CCDC40: variants seen among roughly 807,000 people sequenced by gnomAD.
CCDC40 encodes the protein coiled-coil domain 40 molecular ruler complex subunit, also known as coiled-coil domain-containing protein 40.
Under a neutral mutation model 124.5 loss-of-function variants are expected in CCDC40, and 104 were observed. The observed-to-expected ratio is 0.84, with a 90% CI of 0.71 to 0.98. The LOEUF (loss-of-function observed/expected upper bound fraction) is 0.98, where lower values mean the gene tolerates loss of function less well. Ranked by LOEUF, CCDC40 falls within the 50% of genes least tolerant of loss-of-function variation. CCDC40 has a pLI of 0.00. For synonymous variants in CCDC40, 580 were observed against 602.9 expected, an observed-to-expected ratio of 0.96 and a Z score of 0.56; for missense variants, 1,463 against 1,503.9, an observed-to-expected ratio of 0.97 and a Z score of 0.45.
intron 10 of CCDC40, 119 bp downstream of exon 10, chr17:80,065,725 T>C: frequency 1.5e-6 from 2 of 1,368,508 alleles, no homozygotes; most frequent in Non-Finnish European, 2.0e-6. Context: ...TGCACCTTGA[T>C]CCCCGGGTCC....
At chr17:80,085,666 CTTTTTTTTTTTTT>C (rs5822324) in intron 13 of CCDC40, among the ~76,000 whole-genome samples, 1 of 109,996 alleles carries the variant, frequency 9.1e-6, no homozygotes, top group East Asian at 2.5e-4. Flanking sequence ...GCTAATTTTG[CTTTTTTTTTTTTT>C]TTTTTTTTCT....
chr17:80,090,820 A>T, intron 17 of CCDC40: 7 of 1,207,928 alleles, frequency 5.8e-6, no homozygotes, highest in Non-Finnish European at 7.2e-6. Context: ...ATGCCATGCT[A>T]AATAGAAATT....
intron 9 of CCDC40, among the ~76,000 whole-genome samples, chr17:80,063,784 G>A (rs1212076717): frequency 6.6e-6 from 1 of 152,204 alleles, no homozygotes; most frequent in African/African-American, 2.4e-5. Flanking sequence ...ACAGGCATGA[G>A]CCGCCGCACC....
chr17:80,036,769 G>A (rs1198806261), intron 1 of CCDC40, 78 bp downstream of exon 1: 6 of 1,358,170 alleles, frequency 4.4e-6, no homozygotes, highest in South Asian at 1.4e-5. Context: ...TGGCCCCCGC[G>A]TCGGCTCCTG....
chr17:80,095,243 C>A lies in CCDC40; in HGVS notation c.2833-20C>A. On this transcript the variant is annotated intron_variant, in intron 17 of 19. Transcript: ENST00000397545. ...AGCTCAGGCCTGCCCCAGCCCCAGC[C>A]CCTCTGTCCTGTCTCCCAGGTCAGG... 1 of 1,612,718 alleles carries A rather than the reference C, an allele frequency of 6.2e-7. No individual in the cohort carries two copies. Among genetic ancestry groups the A allele is most frequent in the Non-Finnish European group, 8.5e-7 (1 of 1,179,298 alleles).
chr17:80,064,765 C>T (rs992808436), intron 9 of CCDC40, among the ~76,000 whole-genome samples: 16 of 151,928 alleles, frequency 1.1e-4, no homozygotes, highest in Non-Finnish European at 2.2e-4. Flanking sequence ...TCCGCTCAGC[C>T]TGCCTGACCT....
rs1426143242 is a variant in CCDC40 at position 80,097,442 on chromosome 17, T to C, written c.3180+39T>C. Reference sequence around the variant, plus strand: ...AGGAGGTCCCTGGGGATGACGGCCATGGAACATGCCACTCACACAGAGGTC... The same window carrying C: ...AGGAGGTCCCTGGGGATGACGGCCACGGAACATGCCACTCACACAGAGGTC... On this transcript the variant is annotated intron_variant, in intron 19 of 19. Transcript: ENST00000397545. The C allele has an allele frequency of 3.1e-6, 5 of 1,611,342 alleles. No homozygotes were observed. The African/African-American group carries it at 6.7e-5, about 22-fold the overall frequency.
intron 7 of CCDC40, among the ~76,000 whole-genome samples, chr17:80,056,012 A>ATTTTTTTT (rs1278622929): frequency 2.3e-3 from 32 of 14,132 alleles, no homozygotes; most frequent in South Asian, 4.3e-3. Context: ...ATATATATAT[A>ATTTTTTTT]TATATTTTTT....
intron 10 of CCDC40, among the ~76,000 whole-genome samples, chr17:80,075,036 C>T (rs1464012037): frequency 6.6e-6 from 1 of 151,992 alleles, no homozygotes; most frequent in Non-Finnish European, 1.5e-5. Context: ...AATTCTCTTG[C>T]CTCAGACTTC....
intron 10 of CCDC40, among the ~76,000 whole-genome samples, chr17:80,075,097 T>C (rs56381973): frequency 0.087 from 13,269 of 151,912 alleles, 663 homozygotes; most frequent in Non-Finnish European, 0.12. Context: ...TAATTTTTTA[T>C]ATTTTTAGTA....
intron 18 of CCDC40, among the ~76,000 whole-genome samples, chr17:80,097,000 G>A (rs1191986917): frequency 6.6e-6 from 1 of 152,204 alleles, no homozygotes; most frequent in African/African-American, 2.4e-5. Context: ...ACTGCACGGG[G>A]AGCCCCAGAA....
At chr17:80,083,149 T>G (rs1340102120) in intron 12 of CCDC40, among the ~76,000 whole-genome samples, 1 of 139,764 alleles carries the variant, frequency 7.2e-6, no homozygotes, top group African/African-American at 2.7e-5. Flanking sequence ...GGAGCGGGGG[T>G]GCAGGCCCGG....
chr17:80,088,452 C>T (rs7502097), intron 16 of CCDC40: 1 of 351,536 alleles, frequency 2.8e-6, no homozygotes, highest in Non-Finnish European at 5.6e-6. Flanking sequence ...GGGTTTCACC[C>T]TGTTGGCCAG....
At chr17:80,052,270 G>C (rs2013841) in intron 7 of CCDC40, among the ~76,000 whole-genome samples, 39,138 of 152,146 alleles carry the variant, frequency 0.26, 5,773 homozygotes, top group African/African-American at 0.41. Flanking sequence ...GGAGCAAGGA[G>C]AGCCGGTCTG....
chr17:80,039,713 T>C, intron 2 of CCDC40, 99 bp from the exon 3 acceptor site: 2 of 1,461,378 alleles, frequency 1.4e-6, no homozygotes, highest in Middle Eastern at 2.1e-4. Flanking sequence ...AGGGTATAAA[T>C]GCAGTTTTCC....
intron 17 of CCDC40, chr17:80,090,893 C>T: frequency 2.4e-6 from 2 of 841,332 alleles, no homozygotes; most frequent in South Asian, 6.7e-5. Flanking sequence ...TTTAAAAATA[C>T]CAAATTTAAT....
intron 12 of CCDC40, 82 bp from the exon 13 acceptor site, chr17:80,084,661 G>A (rs927762940): frequency 6.8e-5 from 105 of 1,542,298 alleles, no homozygotes; most frequent in Non-Finnish European, 7.9e-5. Context: ...CATCCCGACC[G>A]TCAGGGAACG....
intron 9 of CCDC40, among the ~76,000 whole-genome samples, chr17:80,064,968 T>A (rs553440095): frequency 3.2e-4 from 49 of 151,864 alleles, no homozygotes; most frequent in Admixed American, 1.5e-3. Context: ...CCACCAACCC[T>A]GCAGAGGTGT....
chr17:80,078,042 G>A (rs990665406), intron 10 of CCDC40, among the ~76,000 whole-genome samples: 4 of 152,052 alleles, frequency 2.6e-5, no homozygotes, highest in African/African-American at 9.7e-5. Flanking sequence ...AAATCTCTAA[G>A]GGTCAGGCCG....
Sources: gnomAD v4.1 joint callset for allele counts (sites outside exome capture counted in the v4.1 genomes callset) on GRCh38, gnomAD v4.1.1 for gene constraint, MANE v1.5 for transcripts, NCBI Gene and HGNC (gene_info 2026-07-23, HGNC 2026-07-21) for gene names.